HEPH: variants seen among roughly 807,000 people sequenced by gnomAD.
HEPH encodes the protein hephaestin.
Under a neutral mutation model 80.8 loss-of-function variants are expected in HEPH, and 69 were observed. The observed-to-expected ratio is 0.85, with a 90% confidence interval of 0.70 to 1.04. The LOEUF is 1.04. Among genes scored for constraint, HEPH ranks in the 50% least tolerant of loss-of-function variants. The pLI is 0.00. For missense variants in HEPH, 1,115 were observed against 891.3 expected, an observed-to-expected ratio of 1.25 and a Z score of -3.20; for synonymous variants, 431 against 322.8, an observed-to-expected ratio of 1.34 and a Z score of -3.60.
At position 66,258,973 on chromosome X, in the gene HEPH, C is replaced by T. The variant is rs745911279; in HGVS notation, c.3030C>T (p.Leu1010=). 5.7e-5 allele frequency: 68 copies of T among 1,196,130 alleles called. No individual in the cohort carries two copies. The highest frequency in any genetic ancestry group is 7.5e-5 in the Non-Finnish European group (67 of 890,173). ...TCCACTTTCATGCAGAGAGCTTCCTCTATCGGGTGAGCTGGAAAATGGGCT... is the reference window on the plus strand; with the variant it reads ...TCCACTTTCATGCAGAGAGCTTCCTTTATCGGGTGAGCTGGAAAATGGGCT... ...HTIHFHAESF[L]YRNGENYRAD... is the part of the protein sequence containing the mutation. The change falls in exon 18 of 21, where the codon CTC becomes CTT. Residue 1010 remains leucine, a synonymous_variant. Coordinates refer to ENST00000343002, the MANE Select transcript of HEPH (RefSeq NM_001367233.3).
At chrX:66,189,153 T>TGACAG (rs2087657383) in intron 5 of HEPH, among the ~76,000 whole-genome samples, 1 of 112,330 alleles carries the variant, frequency 8.9e-6, no homozygotes, top group African/African-American at 3.2e-5. Context: ...TGGCCATTCA[T>TGACAG]GACAGGGGTG....
chrX:66,253,320 A>G (rs887759510), intron 15 of HEPH, among the ~76,000 whole-genome samples: 2 of 112,528 alleles, frequency 1.8e-5, no homozygotes, highest in Non-Finnish European at 3.8e-5. Context: ...ATTGCTCCCA[A>G]GAAGATGTTA....
intron 15 of HEPH, among the ~76,000 whole-genome samples, chrX:66,225,761 C>A (rs1234311093): frequency 8.8e-6 from 1 of 112,996 alleles, no homozygotes; most frequent in Non-Finnish European, 1.9e-5. Context: ...GGATGCTCCA[C>A]AGGGCAGGCC....
At chrX:66,194,860 C>T (rs912423439) in intron 8 of HEPH, among the ~76,000 whole-genome samples, 3 of 111,723 alleles carry the variant, frequency 2.7e-5, no homozygotes, top group Non-Finnish European at 3.8e-5. Flanking sequence ...ATAATTTTTG[C>T]CCTATATGCC....
At chrX:66,170,493 A>G in intron 1 of HEPH, 65 bp from the exon 2 acceptor site, 5 of 1,008,827 alleles carry the variant, frequency 5.0e-6, no homozygotes, top group Non-Finnish European at 6.7e-6. Context: ...AGTTTTCTGG[A>G]CACGTAGAAA....
intron 15 of HEPH, among the ~76,000 whole-genome samples, chrX:66,229,265 T>A (rs907124433): frequency 1.8e-5 from 2 of 112,263 alleles, no homozygotes; most frequent in Non-Finnish European, 3.8e-5. Context: ...GGAATACTAC[T>A]CAGACAGAAA....
At chrX:66,261,541 T>A (rs1482818994) in intron 19 of HEPH, among the ~76,000 whole-genome samples, 4 of 103,247 alleles carry the variant, frequency 3.9e-5, no homozygotes, top group Non-Finnish European at 7.9e-5. Flanking sequence ...AGGCTGTGTT[T>A]TTTTTTTTTT....
chrX:66,192,142 C>T lies in HEPH; in HGVS notation c.1076C>T (p.Ala359Val), dbSNP rs2087825234. 1 of 1,206,130 alleles carries T rather than the reference C, an allele frequency of 8.3e-7. No homozygotes were observed. Among genetic ancestry groups the T allele is most frequent in the African/African-American group, 1.7e-5 (1 of 57,531 alleles). Residue 359 changes from alanine (A) to valine (V), a missense_variant, in exon 7 of 21, where the codon GCA becomes GTA. By Grantham distance (64) the Ala-to-Val change is moderately conservative. This residue lies in a region of HEPH where 391 missense variants were observed against 343.6 expected (regional missense o/e 1.14). Coordinates refer to ENST00000343002, the MANE Select transcript of HEPH (RefSeq NM_001367233.3). ...VNSHFRDGMQ[A>V]LYKVKSCSMA... ...GTTCTTCCTTCAGATGGCATGCAGG[C>T]ACTCTACAAGGTCAAGTCTTGCTCC...
chrX:66,188,209 A>G (rs1192894613), intron 4 of HEPH, 150 bp from the exon 5 acceptor site: 3 of 452,584 alleles, frequency 6.6e-6, no homozygotes, highest in Non-Finnish European at 1.1e-5. Context: ...TTGGAAATGG[A>G]AATTAATCTA....
chrX:66,172,222 C>A, intron 2 of HEPH, 133 bp from the exon 3 acceptor site: 1 of 482,928 alleles, frequency 2.1e-6, no homozygotes, highest in Non-Finnish European at 3.1e-6. Flanking sequence ...ATGTTTTGAT[C>A]AGTACAATGC....
At position 66,203,430 on chromosome X, in the gene HEPH, T is replaced by C; in HGVS notation, c.2144T>C (p.Val715Ala). ...REAGMRAIYN[V>A]SQCPGHQATP... is the part of the protein sequence containing the mutation. ...GCAGGGATGAGGGCAATCTATAATG[T>C]CTCCCAGTGTCCTGGCCACCAAGCC... Residue 715 changes from valine (V) to alanine (A), a missense_variant, in exon 13 of 21, where the codon GTC becomes GCC. Around this residue, in one of 3 missense-constraint regions of HEPH, gnomAD observed 716 missense variants for 523.5 expected, o/e 1.37. Coordinates refer to ENST00000343002, the MANE Select transcript of HEPH (RefSeq NM_001367233.3). 1 of 1,209,935 alleles carries C rather than the reference T, an allele frequency of 8.3e-7. No individual in the cohort carries two copies. The highest frequency in any genetic ancestry group is 3.0e-5 in the East Asian group (1 of 33,772).
At chrX:66,207,873 TG>T (rs1211197192) in intron 14 of HEPH, among the ~76,000 whole-genome samples, 1 of 110,404 alleles carries the variant, frequency 9.1e-6, no homozygotes, top group East Asian at 2.9e-4. Context: ...GTGGGAAAAG[TG>T]GAGGTAATTG....
At chrX:66,245,425 G>A (rs942682204) in intron 15 of HEPH, among the ~76,000 whole-genome samples, 2 of 111,858 alleles carry the variant, frequency 1.8e-5, no homozygotes, top group Middle Eastern at 4.2e-3. Flanking sequence ...AACAAGAAGA[G>A]CTAACTATCC....
chrX:66,188,019 G>A (rs184808834), intron 4 of HEPH, among the ~76,000 whole-genome samples: 248 of 111,165 alleles, frequency 2.2e-3, no homozygotes, highest in African/African-American at 7.9e-3. Flanking sequence ...GGGTTTTGGA[G>A]GATTTTGCTG....
chrX:66,193,953 G>A (rs1161730646), intron 8 of HEPH, among the ~76,000 whole-genome samples: 5 of 111,616 alleles, frequency 4.5e-5, no homozygotes, highest in South Asian at 3.7e-4. Flanking sequence ...CACATTTTTA[G>A]AATTCCTTCT....
At chrX:66,264,002 A>C (rs1376403368) in intron 20 of HEPH, among the ~76,000 whole-genome samples, 1 of 110,750 alleles carries the variant, frequency 9.0e-6, no homozygotes, top group South Asian at 3.8e-4. Flanking sequence ...TACTAGTCGA[A>C]AACCAAATAC....
Position 66,231,845 on chromosome X carries a change from T to G in HEPH, c.2564-23190T>G, listed in dbSNP as rs771420908. The stretch of plus-strand genomic sequence containing the variant: ...TAGGAGTGGTGAGAGAGGGCATCCC[T>G]GTCTTGTGCCAGTTTTCAAAGGGAA... On this transcript the variant is annotated intron_variant, in intron 15 of 20. Coordinates refer to ENST00000343002, the MANE Select transcript of HEPH (RefSeq NM_001367233.3). 3.7e-5 allele frequency among the ~76,000 whole-genome samples: 4 copies of G among 108,096 alleles called. No homozygotes were observed. The East Asian group carries it at 1.1e-3, about 31-fold the overall frequency. The allele number at this position is 108,096 out of a possible 115,157, so 93.9% of individuals were successfully genotyped here.
At position 66,203,305 on chromosome X, in the gene HEPH, C is replaced by T. The variant is rs1054633325; in HGVS notation, c.2078-59C>T. 14 of 1,019,229 alleles carry T rather than the reference C, an allele frequency of 1.4e-5. No individual in the cohort carries two copies. In the Admixed American group the frequency reaches 2.6e-4, roughly 19 times the overall value. The allele number at this position is 1,019,229 out of a possible 1,213,427, so 84.0% of individuals were successfully genotyped here. The stretch of plus-strand genomic sequence containing the variant: ...GTATGCCTAGGGAAAGGCAGGAAAT[C>T]CCCCAGGCACTACCCAGGGATGTTC... On this transcript the variant is annotated intron_variant, in intron 12 of 20. Transcript: ENST00000343002.
intron 15 of HEPH, among the ~76,000 whole-genome samples, chrX:66,250,123 T>A (rs2090953060): frequency 9.0e-6 from 1 of 111,228 alleles, no homozygotes; most frequent in South Asian, 3.8e-4. Flanking sequence ...TTCTACATGG[T>A]TTTTTTGTTG....
Sources: allele counts gnomAD v4.1 joint callset (sites outside exome capture counted in the v4.1 genomes callset), GRCh38; gene constraint gnomAD v4.1.1; regional missense constraint gnomAD v4.1.1; transcripts MANE v1.5; gene names NCBI Gene and HGNC (gene_info 2026-07-23, HGNC 2026-07-21).